The following MYO16 variants were observed in gnomAD, a reference collection of about 807,000 sequenced individuals.
MYO16 encodes the protein unconventional myosin-XVI.
MYO16 carries 94 observed loss-of-function variants against 205.3 expected under a neutral mutation model. The observed-to-expected ratio is 0.46, with a 90% CI of 0.39 to 0.54. MYO16 has a LOEUF of 0.54. Among genes scored for constraint, MYO16 ranks in the 20% least tolerant of loss-of-function variants. The pLI is 0.00. For missense variants in MYO16, 2,315 were observed against 2,387.5 expected (o/e 0.97, Z 0.63); for synonymous variants, 988 against 954.0 (o/e 1.04, Z -0.66).
intron 4 of MYO16, among the ~76,000 whole-genome samples, chr13:108,777,173 A>T (rs1886150104): frequency 1.3e-5 from 2 of 152,102 alleles, no homozygotes; most frequent in South Asian, 4.2e-4. Context: ...GTTCATGAGG[A>T]GGGGCACCGG....
At chr13:109,117,417 T>G (rs1875756324) in intron 28 of MYO16, among the ~76,000 whole-genome samples, 2 of 138,884 alleles carry the variant, frequency 1.4e-5, no homozygotes, top group Admixed American at 7.5e-5. Context: ...TATGTGTATA[T>G]ATGTATATGT....
chr13:109,095,368 G>A (rs74119822), intron 27 of MYO16, among the ~76,000 whole-genome samples: 169 of 152,064 alleles, frequency 1.1e-3, no homozygotes, highest in African/African-American at 3.9e-3. Context: ...CTTGCAAACC[G>A]TGTGGCCTCA....
the MYO16 span, among the ~76,000 whole-genome samples, chr13:108,550,547 G>A: frequency 1.3e-5 from 2 of 152,130 alleles, no homozygotes; most frequent in Non-Finnish European, 2.9e-5. Flanking sequence ...TTTGTATTCT[G>A]GTTTGTATTC....
At chr13:108,835,488 A>G (rs994055925) in intron 9 of MYO16, among the ~76,000 whole-genome samples, 1 of 152,140 alleles carries the variant, frequency 6.6e-6, no homozygotes, top group Non-Finnish European at 1.5e-5. Flanking sequence ...TACAGTAAAT[A>G]TGTACTGGGA....
chr13:109,163,050 G>A (rs1018742068), intron 32 of MYO16, among the ~76,000 whole-genome samples: 2 of 152,070 alleles, frequency 1.3e-5, no homozygotes, highest in Non-Finnish European at 2.9e-5. Context: ...ACAGTGGCTC[G>A]CTGGATCATT....
At chr13:108,866,135 A>G in intron 11 of MYO16, 42 bp from the exon 12 acceptor site, 1 of 1,303,726 alleles carries the variant, frequency 7.7e-7, no homozygotes, top group Non-Finnish European at 1.1e-6. Context: ...TAAAGATGCT[A>G]TTTATATGAC....
chr13:108,949,871 C>G (rs1883076040), intron 16 of MYO16, among the ~76,000 whole-genome samples: 1 of 151,782 alleles, frequency 6.6e-6, no homozygotes. Context: ...TAGACTCACA[C>G]AAATATACTC....
At chr13:108,534,550 T>TC in the MYO16 span, among the ~76,000 whole-genome samples, 2 of 147,360 alleles carry the variant, frequency 1.4e-5, no homozygotes, top group Admixed American at 6.8e-5. Flanking sequence ...AAAATTGCAG[T>TC]TTTTTTTTTC....
At chr13:108,794,605 A>G (rs1245554340) in intron 6 of MYO16, among the ~76,000 whole-genome samples, 1 of 152,236 alleles carries the variant, frequency 6.6e-6, no homozygotes, top group East Asian at 1.9e-4. Context: ...GCACTGTTGC[A>G]GTAAATTATT....
chr13:109,121,366 G>A (rs1202409290), intron 29 of MYO16, among the ~76,000 whole-genome samples: 1 of 152,158 alleles, frequency 6.6e-6, no homozygotes, highest in Non-Finnish European at 1.5e-5. Flanking sequence ...GCTTATGGCA[G>A]GTGTTCTGAT....
At chr13:108,710,399 C>T (rs1165052838) in intron 2 of MYO16, among the ~76,000 whole-genome samples, 2 of 152,092 alleles carry the variant, frequency 1.3e-5, no homozygotes, top group Non-Finnish European at 2.9e-5. Flanking sequence ...CTAAATTTGC[C>T]TCACGTATGT....
chr13:108,959,469 T>C (rs1007973304), intron 17 of MYO16, among the ~76,000 whole-genome samples: 5 of 152,224 alleles, frequency 3.3e-5, no homozygotes, highest in African/African-American at 1.2e-4. Flanking sequence ...AAGTACACTT[T>C]CTGACTAAGG....
At chr13:108,995,654 T>C (rs1884978461) in intron 21 of MYO16, among the ~76,000 whole-genome samples, 1 of 152,110 alleles carries the variant, frequency 6.6e-6, no homozygotes, top group Non-Finnish European at 1.5e-5. Flanking sequence ...GTGTTCTCAT[T>C]GTTCAATTCC....
At chr13:108,933,639 G>T (rs1447095162) in intron 16 of MYO16, among the ~76,000 whole-genome samples, 1 of 151,858 alleles carries the variant, frequency 6.6e-6, no homozygotes, top group Non-Finnish European at 1.5e-5. Flanking sequence ...ACCTGTGCAG[G>T]TTTTTTTATC....
intron 14 of MYO16, among the ~76,000 whole-genome samples, chr13:108,894,770 C>T (rs377229462): frequency 3.1e-4 from 47 of 152,260 alleles, no homozygotes; most frequent in Admixed American, 8.5e-4. Context: ...GGATGGAACC[C>T]GATCACCACA....
chr13:108,722,659 T>C (rs557442370), intron 3 of MYO16, among the ~76,000 whole-genome samples: 4 of 152,322 alleles, frequency 2.6e-5, no homozygotes, highest in East Asian at 1.9e-4. Context: ...TTATTGATTA[T>C]ACGCTGAGCT....
chr13:108,693,050 A>T (rs1249702708), intron 2 of MYO16, among the ~76,000 whole-genome samples: 1 of 152,246 alleles, frequency 6.6e-6, no homozygotes, highest in Non-Finnish European at 1.5e-5. Context: ...TGCTGTCTTT[A>T]TACCTCAGAA....
chr13:108,936,085 TTTCCTTCCTTCCTTCCTTCCTTCCTTCC>T (rs56030003), intron 16 of MYO16, among the ~76,000 whole-genome samples: 1,369 of 129,094 alleles, frequency 0.011, 24 homozygotes, highest in African/African-American at 0.035. Context: ...TTGGCTATAG[TTTCCTTCCTTCCTTCCTTCCTTCCTTCC>T]TTCCTTCCTT....
upstream of MYO16, among the ~76,000 whole-genome samples, chr13:108,595,604 C>G (rs899798899): frequency 6.6e-6 from 1 of 152,088 alleles, no homozygotes; most frequent in Non-Finnish European, 1.5e-5. Flanking sequence ...GCTCTCTAAT[C>G]ACTAGACAGT....
Sources: gnomAD v4.1 joint callset for allele counts (sites outside exome capture counted in the v4.1 genomes callset) on GRCh38, gnomAD v4.1.1 for gene constraint, MANE v1.5 for transcripts, NCBI Gene and HGNC (gene_info 2026-07-23, HGNC 2026-07-21) for gene names.